The following LRP1 variants were observed in gnomAD, a reference collection of about 807,000 sequenced individuals.
LRP1 encodes the protein prolow-density lipoprotein receptor-related protein 1.
LRP1 carries 51 observed loss-of-function variants against 541.5 expected under a neutral mutation model. The observed-to-expected ratio is 0.09, with a 90% CI of 0.08 to 0.12. The LOEUF (loss-of-function observed/expected upper bound fraction) is 0.12, where lower values mean the gene tolerates loss of function less well. Among genes scored for constraint, LRP1 ranks in the 10% least tolerant of loss-of-function variants. The pLI, the probability that LRP1 is intolerant of heterozygous loss-of-function variation, is 1.00. For missense variants in LRP1, 3,878 were observed against 6,376.2 expected, an observed-to-expected ratio of 0.61 and a Z score of 13.34; for synonymous variants, 2,219 against 2,470.8, an observed-to-expected ratio of 0.90 and a Z score of 3.02.
intron 62 of LRP1, 23 bp from the exon 63 acceptor site, chr12:57,200,409 CACCAACCCCT>C: frequency 8.1e-7 from 1 of 1,242,198 alleles, no homozygotes; most frequent in Admixed American, 1.7e-5. Context: ...CCCAGACCCC[CACCAACCCCT>C]CTTGCCCCCA....
rs2035626055 is a variant in LRP1 at position 57,156,646 on chromosome 12, T to G, written c.1418-131T>G. Reference sequence around the variant, plus strand: ...GCAGAGGGTTTCCACCCCTGTGGCTTCCAAATCCTAAAATGGGATAGCAAG... The same window carrying G: ...GCAGAGGGTTTCCACCCCTGTGGCTGCCAAATCCTAAAATGGGATAGCAAG... On this transcript the variant is annotated intron_variant, in intron 9 of 88. Coordinates refer to ENST00000243077, the MANE Select transcript of LRP1 (RefSeq NM_002332.3). This position sits in a 1 kb window ranked among gnomAD's most constrained non-coding sequence, Gnocchi z 5.2. The G allele has an allele frequency of 9.0e-7, 1 of 1,114,112 alleles. No homozygotes were observed. Among genetic ancestry groups the G allele is most frequent in the African/African-American group, 1.6e-5 (1 of 63,810 alleles). 69.0% of individuals were successfully genotyped at this position (1,114,112 alleles called of 1,614,324 possible).
intron 15 of LRP1, chr12:57,164,334 G>T (rs577944641): frequency 6.6e-6 from 1 of 152,170 alleles, no homozygotes; most frequent in Non-Finnish European, 1.5e-5. Flanking sequence ...AAATGGAGTC[G>T]TGCTGCACAT....
intron 6 of LRP1, chr12:57,149,144 CCTCCCA>C: frequency 2.2e-6 from 1 of 454,340 alleles, no homozygotes; most frequent in South Asian, 5.3e-5. Context: ...ACCCTCTCAG[CCTCCCA>C]CCCTGCCTAC....
At chr12:57,161,407 A>G (rs1301089051) in intron 13 of LRP1, among the ~76,000 whole-genome samples, 1 of 152,130 alleles carries the variant, frequency 6.6e-6, no homozygotes, top group African/African-American at 2.4e-5. Context: ...CATACACACC[A>G]TGTGCGCCTC....
rs1800187 is a variant in LRP1, at chr12:57,194,056, C to T, written c.7918+44C>T. The T allele has an allele frequency of 0.66, 1,019,653 of 1,544,092 alleles. 344,075 individuals are homozygous for T. The highest frequency in any genetic ancestry group is 0.78 in the South Asian group (69,828 of 89,022). The stretch of plus-strand genomic sequence containing the variant: ...TGGCACCTCCTGGGCTCCTCCCCAT[C>T]GCTCACTGCATCTCCCGCCTTCAGG... On this transcript the variant is annotated intron_variant, in intron 48 of 88. Coordinates refer to ENST00000243077, the MANE Select transcript of LRP1 (RefSeq NM_002332.3).
Position 57,185,333 on chromosome 12 carries a change from C to T in LRP1, c.6463+128C>T. 7.1e-7 allele frequency: 1 copy of T among 1,413,954 alleles called. No individual in the cohort carries two copies. Among genetic ancestry groups the T allele is most frequent in the East Asian group, 2.3e-5 (1 of 43,340 alleles). The allele number at this position is 1,413,954 out of a possible 1,614,324, so 87.6% of individuals were successfully genotyped here. On this transcript the variant is annotated intron_variant, in intron 40 of 88. Transcript: ENST00000243077. This position sits in a 1 kb window ranked among gnomAD's most constrained non-coding sequence, Gnocchi z 4.9. ...GACCCATGGGGCAACTTCCGATGGCCCGAGAGACCCAGGGATGGGGAGGAA... is the reference window on the plus strand; with the variant it reads ...GACCCATGGGGCAACTTCCGATGGCTCGAGAGACCCAGGGATGGGGAGGAA...
chr12:57,159,822 C>T lies in LRP1; in HGVS notation c.1799-3C>T, dbSNP rs1421304278. ...TCATCACTGGTCCCTCTTCCCCCAA[C>T]AGGCATCCACAATGTGGAGGGTGTG... is the stretch of plus-strand genomic sequence containing the variant. On this transcript the variant is annotated splice_polypyrimidine_tract_variant and splice_region_variant and intron_variant, in intron 11 of 88. Coordinates refer to ENST00000243077, the MANE Select transcript of LRP1 (RefSeq NM_002332.3). The T allele has an allele frequency of 1.2e-6, 2 of 1,613,738 alleles. No individual in the cohort carries two copies. The highest frequency in any genetic ancestry group is 2.2e-5 in the East Asian group (1 of 44,884).
rs367671745 is a variant in LRP1, at chr12:57,210,322, C to G, written c.12596C>G (p.Thr4199Ser). The G allele has an allele frequency of 6.4e-7, 1 of 1,563,460 alleles. No homozygotes were observed. The highest frequency in any genetic ancestry group is 1.9e-5 in the Admixed American group (1 of 53,918). ...CTTCCTGCAGCTCCCCGGCCTGGAA[C>G]CTGTAACCTGCAGTGCTTCAACGGT... ...TPPPDAPRPG[T>S]CNLQCFNGGS... The change falls in exon 82 of 89, where the codon ACC becomes AGC. Residue 4199 changes from threonine (T) to serine (S), a missense_variant. Thr to Ser is a moderately conservative substitution (Grantham distance 58, BLOSUM62 1). Transcript: ENST00000243077.
In LRP1 at chr12:57,175,673, T is replaced by C; in HGVS notation, c.3761T>C (p.Leu1254Pro). Reference sequence around the variant, plus strand: ...TGCTCCTGCTACGAGGGCTGGGTCCTGGAACCTGACGGCGAGAGCTGCCGC... The same window carrying C: ...TGCTCCTGCTACGAGGGCTGGGTCCCGGAACCTGACGGCGAGAGCTGCCGC... The part of the protein sequence containing the change: ...VKCSCYEGWV[L>P]EPDGESCRSL... Residue 1254 changes from leucine to proline, a missense_variant, in exon 23 of 89, where the codon CTG (leucine) becomes CCG (proline). This residue lies in a region of LRP1 where 320 missense variants were observed against 547.9 expected (regional missense o/e 0.58). Transcript: ENST00000243077. The C allele has an allele frequency of 6.3e-7, 1 of 1,585,788 alleles. No individual in the cohort carries two copies. Among genetic ancestry groups the C allele is most frequent in the Non-Finnish European group, 8.6e-7 (1 of 1,163,932 alleles).
chr12:57,170,443 G>A (rs911673018), intron 20 of LRP1, among the ~76,000 whole-genome samples: 3 of 152,000 alleles, frequency 2.0e-5, no homozygotes, highest in African/African-American at 7.3e-5. Context: ...CTCTGGGAGG[G>A]TGAAGTGGGA....
In LRP1 at chr12:57,198,221, G is replaced by C; in HGVS notation, c.9348G>C (p.Leu3116=). Residue 3116 remains leucine (L), a synonymous_variant, in exon 59 of 89, where the codon CTG becomes CTC. Transcript: ENST00000243077. ...GLAVDWVGGN[L]YWCDKGRDTI... The stretch of plus-strand genomic sequence containing the variant: ...CTGTGGACTGGGTGGGTGGCAACCT[G>C]TACTGGTGCGACAAAGGCCGGGACA... 6.2e-7 allele frequency: 1 copy of C among 1,613,540 alleles called. No homozygotes were observed. The highest frequency in any genetic ancestry group is 1.1e-5 in the South Asian group (1 of 91,016).
chr12:57,172,831 G>A (rs796607001), intron 20 of LRP1, among the ~76,000 whole-genome samples: 2 of 152,208 alleles, frequency 1.3e-5, no homozygotes, highest in South Asian at 4.1e-4. Context: ...CACACAGGAG[G>A]CACTCAGTAA....
chr12:57,173,427 G>A lies in LRP1; in HGVS notation c.3346+77G>A. 2 of 1,468,614 alleles carry A rather than the reference G, an allele frequency of 1.4e-6. No individual in the cohort carries two copies. Among genetic ancestry groups the A allele is most frequent in the East Asian group, 2.3e-5 (1 of 43,080 alleles). The allele number at this position is 1,468,614 out of a possible 1,614,324, so 91.0% of individuals were successfully genotyped here. On this transcript the variant is annotated intron_variant, in intron 21 of 88. Transcript: ENST00000243077. The surrounding 1 kb of genome is among the most constrained non-coding windows in gnomAD (Gnocchi z 4.7). ...AGACCGTGTTGAGAGCAGAGTAGCG[G>A]CAAAGGGGATGGCACTGTGCTGTGT...
intron 42 of LRP1, among the ~76,000 whole-genome samples, chr12:57,188,470 C>G (rs1406601906): frequency 1.3e-5 from 2 of 152,202 alleles, no homozygotes; most frequent in Non-Finnish European, 2.9e-5. Context: ...CCTCTGTTTC[C>G]TCCTGCCTCT....
chr12:57,191,107 A>G, intron 43 of LRP1, 98 bp downstream of exon 43: 1 of 1,335,882 alleles, frequency 7.5e-7, no homozygotes, highest in Non-Finnish European at 1.0e-6. Context: ...ACATGGTGGG[A>G]ACAGCTGGGA....
chr12:57,142,761 T>C (rs1004464546), intron 3 of LRP1, among the ~76,000 whole-genome samples: 1 of 152,164 alleles, frequency 6.6e-6, no homozygotes, highest in South Asian at 2.1e-4. Flanking sequence ...AAATGATATT[T>C]TCCCCCTCTG....
Position 57,201,076 on chromosome 12 carries a change from C to G in LRP1, c.10268C>G (p.Thr3423Ser), listed in dbSNP as rs750130328. ...CLPSQFKCTN[T>S]NRCIPGIFRC... is the part of the protein sequence containing the mutation. Reference sequence around the variant, plus strand: ...CCCAGTCAGTTCAAATGCACCAACACCAACCGCTGTATTCCCGGCATCTTC... The same window carrying G: ...CCCAGTCAGTTCAAATGCACCAACAGCAACCGCTGTATTCCCGGCATCTTC... The change falls in exon 65 of 89, where the codon ACC (threonine) becomes AGC (serine). Residue 3423 changes from threonine to serine, a missense_variant. Coordinates refer to ENST00000243077, the MANE Select transcript of LRP1 (RefSeq NM_002332.3). This position sits in a 1 kb window ranked among gnomAD's most constrained non-coding sequence, Gnocchi z 6.4. 1.9e-6 allele frequency: 3 copies of G among 1,613,912 alleles called. No homozygotes were observed. Among genetic ancestry groups the G allele is most frequent in the East Asian group, 2.2e-5 (1 of 44,866 alleles).
chr12:57,195,892 C>G lies in LRP1; in HGVS notation c.8590C>G (p.Arg2864Gly), dbSNP rs748342380. The G allele has an allele frequency of 1.9e-6, 3 of 1,613,810 alleles. No individual in the cohort carries two copies. The South Asian group carries it at 3.3e-5, about 18-fold the overall frequency. Residue 2864 changes from arginine to glycine, a missense_variant, in exon 54 of 89, where the codon CGC (arginine) becomes GGC (glycine). By Grantham distance (125) the Arg-to-Gly change is moderately radical (BLOSUM62 -2). This residue lies in a region of LRP1 where 1,100 missense variants were observed against 1,827.4 expected (regional missense o/e 0.60). Coordinates refer to ENST00000243077, the MANE Select transcript of LRP1 (RefSeq NM_002332.3). ...EYPTCGPSEF[R>G]CANGRCLSSR... Reference sequence around the variant, plus strand: ...CCCGACCTGCGGCCCCAGTGAGTTCCGCTGTGCCAATGGGCGCTGTCTGAG... The same window carrying G: ...CCCGACCTGCGGCCCCAGTGAGTTCGGCTGTGCCAATGGGCGCTGTCTGAG...
Position 57,154,064 on chromosome 12 carries a change from C to T in LRP1, c.842-144C>T, listed in dbSNP as rs1386778845. On this transcript the variant is annotated intron_variant, in intron 6 of 88. Transcript: ENST00000243077. The surrounding 1 kb of genome is among the most constrained non-coding windows in gnomAD (Gnocchi z 4.6). ...ATTTACGCAAGCCCTCCTGTATATC[C>T]ACTCTGAGCTAAGCATGGGGGTGTT... The T allele has an allele frequency of 1.1e-5, 8 of 710,440 alleles. No homozygotes were observed. The highest frequency in any genetic ancestry group is 1.9e-5 in the South Asian group (1 of 53,172). 44.0% of individuals were successfully genotyped at this position (710,440 alleles called of 1,614,324 possible).
Sources: gnomAD v4.1 joint callset for allele counts (sites outside exome capture counted in the v4.1 genomes callset) on GRCh38, gnomAD v4.1.1 for gene constraint, gnomAD v4.1.1 regional missense constraint, Gnocchi (gnomAD v3.1) non-coding constraint, MANE v1.5 for transcripts, NCBI Gene and HGNC (gene_info 2026-07-23, HGNC 2026-07-21) for gene names.